The following RPTOR variants were observed in gnomAD, a reference collection of about 807,000 sequenced individuals.
The protein encoded by RPTOR is regulatory-associated protein of mTOR.
In RPTOR, 21 loss-of-function variants were observed where a neutral mutation model predicts 169.9. The observed-to-expected ratio is 0.12, with a 90% CI of 0.09 to 0.18. The LOEUF (loss-of-function observed/expected upper bound fraction) is 0.18, where lower values mean the gene tolerates loss of function less well. RPTOR is among the 10% of genes least tolerant of loss of function. RPTOR has a pLI of 1.00. For synonymous variants in RPTOR, 732 were observed against 753.2 expected (o/e 0.97, Z 0.46); for missense variants, 1,133 against 1,855.9 (o/e 0.61, Z 7.16).
intron 12 of RPTOR, 64 bp from the exon 13 acceptor site, chr17:80,857,726 A>T: frequency 8.5e-7 from 1 of 1,175,402 alleles, no homozygotes; most frequent in South Asian, 1.3e-5. Context: ...CCCGCGTGGC[A>T]CCCCTGCTGC....
At chr17:80,727,174 C>T (rs1345573073) in intron 4 of RPTOR, among the ~76,000 whole-genome samples, 2 of 151,562 alleles carry the variant, frequency 1.3e-5, no homozygotes, top group Non-Finnish European at 2.9e-5. Flanking sequence ...GAACTCTGCA[C>T]CTCTGACCAC....
intron 26 of RPTOR, 63 bp downstream of exon 26, chr17:80,945,844 C>A: frequency 2.2e-6 from 2 of 923,964 alleles, no homozygotes; most frequent in South Asian, 1.9e-5. Flanking sequence ...ATGCCCTGTT[C>A]TCCCCCGATC....
intron 2 of RPTOR, among the ~76,000 whole-genome samples, chr17:80,628,076 G>T (rs1343123943): frequency 6.6e-6 from 1 of 152,102 alleles, no homozygotes; most frequent in East Asian, 1.9e-4. Flanking sequence ...GACCTCAGGT[G>T]ATCCACCCAC....
chr17:80,931,114 G>A lies in RPTOR; in HGVS notation c.2919+5634G>A, dbSNP rs117759321. On this transcript the variant is annotated intron_variant, in intron 24 of 33. Coordinates refer to ENST00000306801, the MANE Select transcript of RPTOR (RefSeq NM_020761.3). ...GTGGGCAGTTCCTTCGGCCTCAAGC[G>A]TATGGGAAATATTGCTCTGGTAAAA... Among the ~76,000 whole-genome samples the A allele has an allele frequency of 4.7e-3, 709 of 152,306 alleles. 3 individuals carry two copies. The highest frequency in any genetic ancestry group is 7.4e-3 in the Non-Finnish European group (502 of 68,030).
At chr17:80,841,220 G>A (rs374026112) in intron 10 of RPTOR, among the ~76,000 whole-genome samples, 1 of 49,818 alleles carries the variant, frequency 2.0e-5, no homozygotes, top group Non-Finnish European at 3.9e-5. Flanking sequence ...CTCACCGCAC[G>A]GCAGCTCACT....
Position 80,964,247 on chromosome 17 carries a change from TC to T in RPTOR, c.3940-14del. The T allele has an allele frequency of 6.5e-7, 1 of 1,550,134 alleles. No individual in the cohort carries two copies. Among genetic ancestry groups the T allele is most frequent in the Non-Finnish European group, 8.8e-7 (1 of 1,132,740 alleles). ...CGCACCTGAACCCCTGCTCACCCCTTCTCTCTCCTTGCAGCCTCACCTGGCC... is the reference window on the plus strand; with the variant it reads ...CGCACCTGAACCCCTGCTCACCCCTTTCTCTCCTTGCAGCCTCACCTGGCC... On this transcript the variant is annotated splice_polypyrimidine_tract_variant and intron_variant, in intron 33 of 33. Coordinates refer to ENST00000306801, the MANE Select transcript of RPTOR (RefSeq NM_020761.3).
chr17:80,949,348 C>A, intron 27 of RPTOR, 95 bp from the exon 28 acceptor site: 1 of 1,067,724 alleles, frequency 9.4e-7, no homozygotes, highest in Non-Finnish European at 1.5e-6. Context: ...GTCACTGCAG[C>A]ACGTCTGCCA....
At chr17:80,896,135 T>C (rs2068395788) in intron 20 of RPTOR, among the ~76,000 whole-genome samples, 1 of 152,172 alleles carries the variant, frequency 6.6e-6, no homozygotes, top group African/African-American at 2.4e-5. Context: ...TTTTCCTTTT[T>C]TGTGTTCATG....
intron 5 of RPTOR, among the ~76,000 whole-genome samples, chr17:80,744,541 CCCTGGCTACTAGCACTGT>C (rs1397522207): frequency 1.1e-4 from 6 of 55,074 alleles, no homozygotes; most frequent in African/African-American, 1.9e-4. Flanking sequence ...ACTAGCACAG[CCCTGGCTACTAGCACTGT>C]CCTGGTTACG....
chr17:80,730,488 C>A lies in RPTOR; in HGVS notation c.508-72C>A. The A allele has an allele frequency of 1.3e-6, 2 of 1,518,360 alleles. No individual in the cohort carries two copies. The highest frequency in any genetic ancestry group is 1.2e-5 in the South Asian group (1 of 84,634). 94.1% of individuals were successfully genotyped at this position (1,518,360 alleles called of 1,614,324 possible). ...GGCTCAATGTGTGTGCCTTTTGTAACGGTGCAGTACTCACCAGCAGCCCAT... is the reference window on the plus strand; with the variant it reads ...GGCTCAATGTGTGTGCCTTTTGTAAAGGTGCAGTACTCACCAGCAGCCCAT... On this transcript the variant is annotated intron_variant, in intron 4 of 33. Coordinates refer to ENST00000306801, the MANE Select transcript of RPTOR (RefSeq NM_020761.3). The surrounding 1 kb of genome is among the most constrained non-coding windows in gnomAD (Gnocchi z 4.2).
chr17:80,595,168 TG>T (rs1383011136), intron 1 of RPTOR, among the ~76,000 whole-genome samples: 3 of 152,322 alleles, frequency 2.0e-5, no homozygotes, highest in East Asian at 3.9e-4. Flanking sequence ...TATTAATTGA[TG>T]GGTTGACCTT....
chr17:80,574,769 G>T (rs4889861), intron 1 of RPTOR, among the ~76,000 whole-genome samples: 6 of 150,918 alleles, frequency 4.0e-5, no homozygotes, highest in African/African-American at 4.9e-5. Flanking sequence ...GGTCTTCCCC[G>T]CTTAGCCTCC....
chr17:80,751,496 C>G (rs2066629795), intron 5 of RPTOR, among the ~76,000 whole-genome samples: 1 of 152,124 alleles, frequency 6.6e-6, no homozygotes, highest in South Asian at 2.1e-4. Flanking sequence ...ATACTAAGAA[C>G]TACGCAACTA....
chr17:80,863,456 C>T (rs1014053245), intron 13 of RPTOR, among the ~76,000 whole-genome samples: 1 of 152,098 alleles, frequency 6.6e-6, no homozygotes, highest in African/African-American at 2.4e-5. Flanking sequence ...ATTAGCAGGC[C>T]AGGACATTAA....
intron 3 of RPTOR, among the ~76,000 whole-genome samples, chr17:80,662,981 A>C (rs1002541309): frequency 6.6e-6 from 1 of 152,200 alleles, no homozygotes; most frequent in Non-Finnish European, 1.5e-5. Flanking sequence ...AGGGAGGTGG[A>C]ATCAGCCTTG....
intron 7 of RPTOR, among the ~76,000 whole-genome samples, chr17:80,793,963 A>C (rs1249649589): frequency 6.6e-6 from 1 of 152,176 alleles, no homozygotes; most frequent in Non-Finnish European, 1.5e-5. Context: ...CAACACACGG[A>C]GGTTTTCCCT....
In RPTOR at chr17:80,687,808, G is replaced by A. The variant is rs144763920; in HGVS notation, c.349-20033G>A. Among the ~76,000 whole-genome samples, 23 of 152,322 alleles carry A rather than the reference G, an allele frequency of 1.5e-4. No homozygotes were observed. The East Asian group carries it at 4.1e-3, about 27-fold the overall frequency. On this transcript the variant is annotated intron_variant, in intron 3 of 33. Coordinates refer to ENST00000306801, the MANE Select transcript of RPTOR (RefSeq NM_020761.3). ...CCGTGTAGTGTTTAAGCTTTAAAACGTGAAATGCAGTGAGGCCGACAGTGA... is the reference window on the plus strand; with the variant it reads ...CCGTGTAGTGTTTAAGCTTTAAAACATGAAATGCAGTGAGGCCGACAGTGA...
At chr17:80,785,276 A>G (rs2066980191) in intron 6 of RPTOR, among the ~76,000 whole-genome samples, 1 of 152,252 alleles carries the variant, frequency 6.6e-6, no homozygotes, top group Non-Finnish European at 1.5e-5. Context: ...AAAGGCTAAA[A>G]ATGAGCAGGG....
rs374764141 is a variant in RPTOR at position 80,730,603 on chromosome 17, C to T, written c.551C>T (p.Thr184Met). Residue 184 changes from threonine to methionine, a missense_variant, in exon 5 of 34, where the codon ACG becomes ATG. Physicochemically the swap from Thr to Met is moderately conservative, Grantham distance 81 (BLOSUM62 -1). Coordinates refer to ENST00000306801, the MANE Select transcript of RPTOR (RefSeq NM_020761.3). The surrounding 1 kb of genome is among the most constrained non-coding windows in gnomAD (Gnocchi z 4.2). Reference sequence around the variant, plus strand: ...CCTCTGTCCATATATGACCTGCAGACGTGGATGGGCAGCCCGTCGATCTTC... The same window carrying T: ...CCTCTGTCCATATATGACCTGCAGATGTGGATGGGCAGCCCGTCGATCTTC... ...YIPLSIYDLQ[T>M]WMGSPSIFVY... 12 of 1,614,142 alleles carry T rather than the reference C, an allele frequency of 7.4e-6. 1 individual carries two copies. Among genetic ancestry groups the T allele is most frequent in the South Asian group, 3.3e-5 (3 of 91,080 alleles).
Sources: allele counts gnomAD v4.1 joint callset (sites outside exome capture counted in the v4.1 genomes callset), GRCh38; gene constraint gnomAD v4.1.1; non-coding constraint Gnocchi (gnomAD v3.1); transcripts MANE v1.5; gene names NCBI Gene and HGNC (gene_info 2026-07-23, HGNC 2026-07-21).